Variants in MDGA2 observed in about 807,000 individuals in gnomAD.
MDGA2 encodes MAM domain containing glycosylphosphatidylinositol anchor 2, also known as MAM domain-containing glycosylphosphatidylinositol anchor protein 2.
In MDGA2, 40 loss-of-function variants were observed where a neutral mutation model predicts 117.8. That is an observed-to-expected ratio of 0.34 (90% confidence interval 0.26 to 0.44). The LOEUF is 0.44. Among genes scored for constraint, MDGA2 ranks in the 20% least tolerant of loss-of-function variants. MDGA2 has a pLI of 1.00. For missense variants in MDGA2, 1,123 were observed against 1,250.6 expected, an observed-to-expected ratio of 0.90 and a Z score of 1.54; for synonymous variants, 452 against 439.0, an observed-to-expected ratio of 1.03 and a Z score of -0.37.
chr14:47,416,330 G>A (rs984625397), intron 1 of MDGA2, among the ~76,000 whole-genome samples: 1 of 152,186 alleles, frequency 6.6e-6, no homozygotes, highest in African/African-American at 2.4e-5. Flanking sequence ...AGGGATTACA[G>A]GTCCTGAGTG....
At chr14:47,583,266 G>A (rs1054074839) in intron 1 of MDGA2, among the ~76,000 whole-genome samples, 16 of 151,790 alleles carry the variant, frequency 1.1e-4, no homozygotes, top group African/African-American at 3.6e-4. Context: ...AGACTGTATG[G>A]TCAGGAAGGA....
At chr14:47,060,813 T>C (rs1253810231) in intron 7 of MDGA2, among the ~76,000 whole-genome samples, 1 of 152,066 alleles carries the variant, frequency 6.6e-6, no homozygotes, top group Non-Finnish European at 1.5e-5. Context: ...ATTTCTTACA[T>C]ATTTTGCATT....
intron 2 of MDGA2, among the ~76,000 whole-genome samples, chr14:47,247,505 G>C (rs992116146): frequency 6.6e-6 from 1 of 151,426 alleles, no homozygotes; most frequent in Non-Finnish European, 1.5e-5. Flanking sequence ...GTTTCACCAT[G>C]TTGGTCAGGC....
intron 8 of MDGA2, among the ~76,000 whole-genome samples, chr14:47,003,261 T>C (rs1415456736): frequency 6.6e-6 from 1 of 152,096 alleles, no homozygotes; most frequent in Admixed American, 6.6e-5. Flanking sequence ...AAAGATGCTA[T>C]GTACCTTTGT....
At chr14:46,883,238 T>C (rs1882535538) in intron 10 of MDGA2, among the ~76,000 whole-genome samples, 2 of 152,112 alleles carry the variant, frequency 1.3e-5, no homozygotes. Flanking sequence ...AGTACTGTTA[T>C]CAAATTCATC....
At chr14:47,312,693 G>GTGT in intron 1 of MDGA2, among the ~76,000 whole-genome samples, 1 of 104,368 alleles carries the variant, frequency 9.6e-6, no homozygotes, top group South Asian at 2.9e-4. Flanking sequence ...TTTTTGTTTT[G>GTGT]TTTTGTTTTT....
chr14:47,209,581 A>T (rs1466626996), intron 3 of MDGA2, among the ~76,000 whole-genome samples: 1 of 152,196 alleles, frequency 6.6e-6, no homozygotes, highest in Non-Finnish European at 1.5e-5. Flanking sequence ...ACTGATTTAA[A>T]AGTAATTCTT....
intron 8 of MDGA2, among the ~76,000 whole-genome samples, chr14:46,977,691 GATC>G (rs1473778835): frequency 6.6e-6 from 1 of 151,796 alleles, no homozygotes; most frequent in Admixed American, 6.6e-5. Context: ...AATATAAATT[GATC>G]ATCTTTTATA....
intron 1 of MDGA2, among the ~76,000 whole-genome samples, chr14:47,400,640 C>G (rs1045157254): frequency 2.7e-5 from 4 of 148,698 alleles, no homozygotes; most frequent in Non-Finnish European, 3.0e-5. Flanking sequence ...GAGCTGAGAT[C>G]GTGCCACTGC....
chr14:47,110,341 G>T (rs1464005358), intron 5 of MDGA2, among the ~76,000 whole-genome samples: 4 of 151,998 alleles, frequency 2.6e-5, no homozygotes, highest in African/African-American at 9.7e-5. Flanking sequence ...ACTTTAATGG[G>T]GATTTAGCAA....
intron 1 of MDGA2, among the ~76,000 whole-genome samples, chr14:47,443,543 TATAA>T (rs1893058465): frequency 6.6e-6 from 1 of 152,188 alleles, no homozygotes. Flanking sequence ...ATATTTACTA[TATAA>T]ATATTCATTG....
chr14:47,042,289 T>C (rs1475739682), intron 7 of MDGA2, among the ~76,000 whole-genome samples: 1 of 147,498 alleles, frequency 6.8e-6, no homozygotes, highest in Non-Finnish European at 1.5e-5. Flanking sequence ...TAGATGCAAA[T>C]AATCCAAATG....
intron 1 of MDGA2, among the ~76,000 whole-genome samples, chr14:47,667,715 G>A (rs1020975886): frequency 9.9e-5 from 15 of 152,140 alleles, no homozygotes; most frequent in African/African-American, 3.1e-4. Context: ...ACTTAGAGAC[G>A]CCTAGCTGTG....
chr14:47,255,700 A>T (rs566097502), intron 2 of MDGA2, among the ~76,000 whole-genome samples: 1 of 152,050 alleles, frequency 6.6e-6, no homozygotes, highest in African/African-American at 2.4e-5. Context: ...TAGGTGCATT[A>T]GCTTTTATTC....
intron 3 of MDGA2, among the ~76,000 whole-genome samples, chr14:47,146,095 C>G (rs1245676896): frequency 6.6e-6 from 1 of 152,020 alleles, no homozygotes; most frequent in Non-Finnish European, 1.5e-5. Flanking sequence ...AGACATTGTT[C>G]CTTAGAAAAG....
intron 7 of MDGA2, among the ~76,000 whole-genome samples, chr14:47,039,836 T>C (rs997327952): frequency 1.3e-5 from 2 of 152,136 alleles, no homozygotes; most frequent in Non-Finnish European, 2.9e-5. Context: ...GTGTAAAACA[T>C]GTTACTGTTC....
At position 46,920,192 on chromosome 14, in the gene MDGA2, G is replaced by T. The variant is rs373293317; in HGVS notation, c.2090-32C>A. 2.7e-4 allele frequency: 436 copies of T among 1,598,004 alleles called. 4 individuals carry two copies. In the African/African-American group the frequency reaches 5.0e-3, roughly 18 times the overall value. ...ACAGAAAGTGTGCTTAAATTTGAAT[G>T]ATGACATATTGTAGTGTAAGCATAC... On this transcript the variant is annotated intron_variant, in intron 9 of 16. Coordinates refer to ENST00000399232, the MANE Select transcript of MDGA2 (RefSeq NM_001113498.3).
chr14:47,619,116 T>TACACACAC lies in MDGA2; in HGVS notation c.280+55393_280+55400dup, dbSNP rs1555336908. ...TAGCATCTCTGAGCCTCAGTTTAAT[T>TACACACAC]ACACACACACACACACACACACACA... On this transcript the variant is annotated intron_variant, in intron 1 of 16. Transcript: ENST00000399232. Among the ~76,000 whole-genome samples the TACACACAC allele has an allele frequency of 0.012, 1,094 of 90,770 alleles. 55 individuals carry two copies. The East Asian group carries it at 0.18, about 15-fold the overall frequency. 59.5% of individuals were successfully genotyped at this position (90,770 alleles called of 152,430 possible).
chr14:47,423,288 C>T lies in MDGA2; in HGVS notation c.281-121738G>A, dbSNP rs145046984. ...AAATGTTTTAAATTCCTAAGTAATT[C>T]ACTTCTGTGAGTTAACTTTTTTCCT... On this transcript the variant is annotated intron_variant, in intron 1 of 16. Coordinates refer to ENST00000399232, the MANE Select transcript of MDGA2 (RefSeq NM_001113498.3). Among the ~76,000 whole-genome samples the T allele has an allele frequency of 2.2e-3, 341 of 152,232 alleles. 3 individuals are homozygous for T. The highest frequency in any genetic ancestry group is 7.9e-3 in the African/African-American group (329 of 41,558).
Sources: gnomAD v4.1 joint callset for allele counts (sites outside exome capture counted in the v4.1 genomes callset) on GRCh38, gnomAD v4.1.1 for gene constraint, MANE v1.5 for transcripts, NCBI Gene and HGNC (gene_info 2026-07-23, HGNC 2026-07-21) for gene names.